The following MACROD2 variants were observed in gnomAD, a reference collection of about 807,000 sequenced individuals.
MACROD2 encodes the protein ADP-ribose glycohydrolase MACROD2.
In MACROD2, 36 loss-of-function variants were observed where a neutral mutation model predicts 70.4. The observed-to-expected ratio is 0.51, with a 90% CI of 0.39 to 0.68. The LOEUF is 0.68. MACROD2 is among the 30% of genes least tolerant of loss of function. The pLI, the probability that MACROD2 is intolerant of heterozygous loss-of-function variation, is 0.00. For synonymous variants in MACROD2, 172 were observed against 178.8 expected, an observed-to-expected ratio of 0.96 and a Z score of 0.30; for missense variants, 496 against 538.4, an observed-to-expected ratio of 0.92 and a Z score of 0.78.
intron 6 of MACROD2, among the ~76,000 whole-genome samples, chr20:15,377,656 G>A (rs16990148): frequency 0.02 from 3,102 of 152,270 alleles, 90 homozygotes; most frequent in African/African-American, 0.07. Context: ...GTCCTCCTGG[G>A]TAAGAAAGAA....
intron 3 of MACROD2, chr20:14,324,345 G>A (rs1269877848): frequency 3.3e-5 from 5 of 152,478 alleles, no homozygotes; most frequent in Non-Finnish European, 4.4e-5. Context: ...ACAAGTAACA[G>A]CTCACAATTC....
At chr20:15,503,433 C>T (rs1439518794) in intron 8 of MACROD2, among the ~76,000 whole-genome samples, 4 of 152,242 alleles carry the variant, frequency 2.6e-5, no homozygotes, top group South Asian at 2.1e-4. Context: ...AACTTGGGTT[C>T]GGCCTCAGTT....
chr20:14,553,792 T>TCAAA, intron 4 of MACROD2, among the ~76,000 whole-genome samples: 2 of 152,174 alleles, frequency 1.3e-5, no homozygotes, highest in Non-Finnish European at 2.9e-5. Context: ...CCATCAAAGT[T>TCAAA]GGTCTTACAT....
In MACROD2 at chr20:15,436,022, G is replaced by A. The variant is rs189420170; in HGVS notation, c.571+4587G>A. ...AGTGAGACTGATATACACAAAGGTCGCATGCCATATTGCTTTTGGTTAGTC... is the reference window on the plus strand; with the variant it reads ...AGTGAGACTGATATACACAAAGGTCACATGCCATATTGCTTTTGGTTAGTC... On this transcript the variant is annotated intron_variant, in intron 7 of 17. Coordinates refer to ENST00000684519, the MANE Select transcript of MACROD2 (RefSeq NM_001351661.2). 1.7e-3 allele frequency among the ~76,000 whole-genome samples: 259 copies of A among 152,072 alleles called. 1 individual carries two copies. The highest frequency in any genetic ancestry group is 2.6e-3 in the Non-Finnish European group (179 of 67,990).
chr20:15,528,838 T>G (rs1458049917), intron 8 of MACROD2, among the ~76,000 whole-genome samples: 1 of 152,162 alleles, frequency 6.6e-6, no homozygotes, highest in Non-Finnish European at 1.5e-5. Flanking sequence ...TTATCACTTT[T>G]ATCTTGTTTG....
chr20:14,145,229 AT>A (rs1288400641), intron 3 of MACROD2, among the ~76,000 whole-genome samples: 2 of 152,184 alleles, frequency 1.3e-5, no homozygotes, highest in African/African-American at 4.8e-5. Flanking sequence ...GTTTTTTTGT[AT>A]TAACTAATTA....
intron 5 of MACROD2, among the ~76,000 whole-genome samples, chr20:15,191,115 G>A (rs566916712): frequency 6.6e-6 from 1 of 152,282 alleles, no homozygotes; most frequent in East Asian, 1.9e-4. Context: ...AAACAAAAAT[G>A]AAGAAGTGGG....
chr20:15,614,731 A>G (rs1228705342), intron 8 of MACROD2, among the ~76,000 whole-genome samples: 1 of 152,178 alleles, frequency 6.6e-6, no homozygotes, highest in Non-Finnish European at 1.5e-5. Context: ...GCTCGAGGAG[A>G]TTGATATATC....
intron 6 of MACROD2, among the ~76,000 whole-genome samples, chr20:15,268,880 AC>A (rs1322783375): frequency 1.3e-5 from 2 of 152,274 alleles, no homozygotes; most frequent in Non-Finnish European, 2.9e-5. Flanking sequence ...GGGAAAAAAA[AC>A]AGTCTTCTCC....
At chr20:14,250,124 T>C (rs1409608497) in intron 3 of MACROD2, among the ~76,000 whole-genome samples, 10 of 151,550 alleles carry the variant, frequency 6.6e-5, no homozygotes, top group Non-Finnish European at 1.5e-4. Context: ...CGCTCACCTT[T>C]TTCCAGCCAA....
intron 6 of MACROD2, among the ~76,000 whole-genome samples, chr20:15,335,852 G>A (rs901746138): frequency 2.0e-5 from 3 of 151,646 alleles, no homozygotes; most frequent in African/African-American, 7.3e-5. Context: ...ACAATTGTGA[G>A]TGCAGCTGGT....
At chr20:15,635,476 T>G (rs954752360) in intron 8 of MACROD2, among the ~76,000 whole-genome samples, 13 of 152,068 alleles carry the variant, frequency 8.5e-5, no homozygotes, top group Non-Finnish European at 1.9e-4. Context: ...TCTAGGCAAA[T>G]TAGAACAGGA....
At chr20:14,547,535 A>G (rs2145003) in intron 4 of MACROD2, 88,910 of 155,736 alleles carry the variant, frequency 0.57, 26,230 homozygotes, top group East Asian at 0.92. Context: ...TCCTGATGTG[A>G]CAGCAGTGGC....
At chr20:14,238,493 G>C (rs2081898015) in intron 3 of MACROD2, among the ~76,000 whole-genome samples, 1 of 152,118 alleles carries the variant, frequency 6.6e-6, no homozygotes, top group African/African-American at 2.4e-5. Flanking sequence ...TTGAAAATTG[G>C]AACAAGACAA....
chr20:14,324,469 G>A (rs2082703440), intron 3 of MACROD2: 1 of 152,538 alleles, frequency 6.6e-6, no homozygotes, highest in Admixed American at 6.6e-5. Context: ...GAACATTTAT[G>A]TACAGTGTTA....
chr20:14,717,009 C>T (rs1425966379), intron 5 of MACROD2, among the ~76,000 whole-genome samples: 2 of 151,930 alleles, frequency 1.3e-5, no homozygotes, highest in Non-Finnish European at 2.9e-5. Flanking sequence ...AAAAACTCTT[C>T]ATTTTTAAAA....
chr20:15,357,245 A>G (rs1463204180), intron 6 of MACROD2, among the ~76,000 whole-genome samples: 1 of 152,242 alleles, frequency 6.6e-6, no homozygotes, highest in Non-Finnish European at 1.5e-5. Flanking sequence ...AGTGAGAAAG[A>G]TTATACTATA....
At chr20:15,761,495 T>G (rs914829665) in intron 8 of MACROD2, among the ~76,000 whole-genome samples, 1 of 152,230 alleles carries the variant, frequency 6.6e-6, no homozygotes, top group Non-Finnish European at 1.5e-5. Context: ...AAAAATCGCT[T>G]CAATGATCTG....
chr20:15,768,061 A>G (rs1022176031), intron 8 of MACROD2, among the ~76,000 whole-genome samples: 1 of 152,112 alleles, frequency 6.6e-6, no homozygotes, highest in African/African-American at 2.4e-5. Flanking sequence ...AATAGAGAAA[A>G]TAAAAGATAT....
Sources: gnomAD v4.1 joint callset for allele counts (sites outside exome capture counted in the v4.1 genomes callset) on GRCh38, gnomAD v4.1.1 for gene constraint, MANE v1.5 for transcripts, NCBI Gene and HGNC (gene_info 2026-07-23, HGNC 2026-07-21) for gene names.